SLC6A3: variants seen among roughly 807,000 people sequenced by gnomAD.
SLC6A3 encodes solute carrier family 6 member 3.
SLC6A3 carries 19 observed loss-of-function variants against 70.4 expected under a neutral mutation model. That is an observed-to-expected ratio of 0.27 (90% CI 0.19 to 0.40). The LOEUF (loss-of-function observed/expected upper bound fraction) is 0.40, where lower values mean the gene tolerates loss of function less well. Among genes scored for constraint, SLC6A3 ranks in the 10% least tolerant of loss-of-function variants. The pLI, the probability that SLC6A3 is intolerant of heterozygous loss-of-function variation, is 1.00. For synonymous variants in SLC6A3, 368 were observed against 356.6 expected (o/e 1.03, Z -0.36); for missense variants, 613 against 838.5 (o/e 0.73, Z 3.32).
chr5:1,434,073 AG>A (rs1320395401), intron 3 of SLC6A3, among the ~76,000 whole-genome samples: 20 of 152,346 alleles, frequency 1.3e-4, no homozygotes, highest in African/African-American at 4.6e-4. Context: ...GGCCATCTAT[AG>A]CTGCTCATGC....
rs114563841 is a variant in SLC6A3, at chr5:1,406,272, G to A, written c.1515C>T (p.Ser505=). 88 of 1,612,844 alleles carry A rather than the reference G, an allele frequency of 5.5e-5. No homozygotes were observed. The African/African-American group carries it at 7.7e-4, about 14-fold the overall frequency. ...VAWFYGVGQF[S]DDIQQMTGQR... ...GCCCGGTCATCTGCTGGATGTCGTC[G>A]CTGAACTGCCCAACACCTGAGGGAG... Residue 505 remains serine (S), a synonymous_variant, in exon 12 of 15, where the codon AGC becomes AGT. Transcript: ENST00000270349. The surrounding 1 kb of genome is among the most constrained non-coding windows in gnomAD (Gnocchi z 8.8).
chr5:1,409,872 G>A, intron 9 of SLC6A3, 23 bp from the exon 10 acceptor site: 1 of 1,612,534 alleles, frequency 6.2e-7, no homozygotes, highest in Non-Finnish European at 8.5e-7. Context: ...CACAGGGTCG[G>A]GCTGCAGGCT....
At chr5:1,425,044 T>C (rs250686) in intron 4 of SLC6A3, among the ~76,000 whole-genome samples, 77,680 of 152,086 alleles carry the variant, frequency 0.51, 20,384 homozygotes, top group South Asian at 0.65. Context: ...TACGTGCAGG[T>C]GTTTCATAAG....
At chr5:1,414,946 T>A in intron 7 of SLC6A3, 131 bp from the exon 8 acceptor site, 1 of 1,156,972 alleles carries the variant, frequency 8.6e-7, no homozygotes, top group Non-Finnish European at 1.3e-6. Context: ...CTTTTCCCAG[T>A]GAGCACGGCC....
intron 14 of SLC6A3, among the ~76,000 whole-genome samples, chr5:1,395,955 CTAAG>C (rs1223886745): frequency 1.3e-5 from 2 of 152,216 alleles, no homozygotes; most frequent in Non-Finnish European, 2.9e-5. Context: ...GCAGCCCACT[CTAAG>C]TGAGTCCCCA....
chr5:1,415,175 C>A (rs532531513), intron 7 of SLC6A3, among the ~76,000 whole-genome samples: 1 of 151,930 alleles, frequency 6.6e-6, no homozygotes, highest in Non-Finnish European at 1.5e-5. Flanking sequence ...CCTGACTGGG[C>A]GGGTCTCATG....
chr5:1,428,740 G>A (rs1048758982), intron 4 of SLC6A3, among the ~76,000 whole-genome samples: 7 of 152,028 alleles, frequency 4.6e-5, no homozygotes, highest in Non-Finnish European at 8.8e-5. Flanking sequence ...CACTGCACAC[G>A]GCATTCATGG....
chr5:1,416,805 A>G (rs1307389289), intron 6 of SLC6A3, among the ~76,000 whole-genome samples: 2 of 144,084 alleles, frequency 1.4e-5, no homozygotes, highest in African/African-American at 5.2e-5. Context: ...ATCCACACAC[A>G]ACATGACCGC....
At chr5:1,414,006 G>C (rs1253537513) in intron 8 of SLC6A3, among the ~76,000 whole-genome samples, 1 of 152,180 alleles carries the variant, frequency 6.6e-6, no homozygotes, top group African/African-American at 2.4e-5. Flanking sequence ...CCCTCTCGGA[G>C]ACAACTCCAG....
rs932029622 is a variant in SLC6A3 at position 1,414,582 on chromosome 5, C to T, written c.1156+109G>A. ...GTGAGGCAGCAACTCTCACTGAAGT[C>T]GCTCAGGGCCCATGCGTCTCCTTCC... On this transcript the variant is annotated intron_variant, in intron 8 of 14. Coordinates refer to ENST00000270349, the MANE Select transcript of SLC6A3 (RefSeq NM_001044.5). The T allele has an allele frequency of 5.8e-5, 76 of 1,305,018 alleles. No individual in the cohort carries two copies. The Middle Eastern group carries it at 7.5e-4, about 13-fold the overall frequency. The allele number at this position is 1,305,018 out of a possible 1,614,324, so 80.8% of individuals were successfully genotyped here.
intron 8 of SLC6A3, 76 bp downstream of exon 8, chr5:1,414,615 C>T: frequency 6.4e-7 from 1 of 1,551,890 alleles, no homozygotes; most frequent in Non-Finnish European, 8.7e-7. Context: ...TCCTCTTTCA[C>T]AAGGAAAAAG....
At position 1,444,832 on chromosome 5, in the gene SLC6A3, GA is replaced by G. The variant is rs561025660; in HGVS notation, c.-46+515del. Among the ~76,000 whole-genome samples the G allele has an allele frequency of 3.1e-3, 470 of 152,352 alleles. 1 individual carries two copies. Among genetic ancestry groups the G allele is most frequent in the African/African-American group, 0.011 (441 of 41,578 alleles). On this transcript the variant is annotated intron_variant, in intron 1 of 14. Coordinates refer to ENST00000270349, the MANE Select transcript of SLC6A3 (RefSeq NM_001044.5). ...TCCTTCCTCACCGCGCCCAGAACAA[GA>G]AGCGGCGCTGCCTGGCGAGTCCTCG...
intron 3 of SLC6A3, among the ~76,000 whole-genome samples, chr5:1,439,324 G>A (rs1182394625): frequency 7.2e-6 from 1 of 138,662 alleles, no homozygotes. Flanking sequence ...TGTGTGGGGT[G>A]GGGGTGGGGG....
chr5:1,430,585 C>G (rs1181842034), intron 4 of SLC6A3, among the ~76,000 whole-genome samples: 1 of 152,234 alleles, frequency 6.6e-6, no homozygotes, highest in South Asian at 2.1e-4. Context: ...TGCCCGAAGG[C>G]TCCATCTCAG....
At position 1,394,304 on chromosome 5, in the gene SLC6A3, T is replaced by C. The variant is rs1187451755; in HGVS notation, c.*431A>G. 5 of 250,640 alleles carry C rather than the reference T, an allele frequency of 2.0e-5. No individual in the cohort carries two copies. 15.5% of individuals were successfully genotyped at this position (250,640 alleles called of 1,614,324 possible). A position where few individuals can be genotyped will look rare whatever the true frequency, so the allele number is the denominator to read the frequency against. On this transcript the variant is annotated 3_prime_UTR_variant, in exon 15 of 15. Coordinates refer to ENST00000270349, the MANE Select transcript of SLC6A3 (RefSeq NM_001044.5). The surrounding 1 kb of genome is among the most constrained non-coding windows in gnomAD (Gnocchi z 4.7). ...GGCTTTTTAATATGGGCAAAGTAAA[T>C]GGTCTAGGAAGCTACTGTGAGCACG...
rs190849947 is a variant in SLC6A3, at chr5:1,402,509, T to C, written c.1767+413A>G. ...TCTGTGTCCACCACACCACATACCATAGTGTGTAGGCATGCATGCACTCAG... is the reference window on the plus strand; with the variant it reads ...TCTGTGTCCACCACACCACATACCACAGTGTGTAGGCATGCATGCACTCAG... On this transcript the variant is annotated intron_variant, in intron 13 of 14. Coordinates refer to ENST00000270349, the MANE Select transcript of SLC6A3 (RefSeq NM_001044.5). This position sits in a 1 kb window ranked among gnomAD's most constrained non-coding sequence, Gnocchi z 8.5. Among the ~76,000 whole-genome samples, 75 of 152,042 alleles carry C rather than the reference T, an allele frequency of 4.9e-4. No individual in the cohort carries two copies. The highest frequency in any genetic ancestry group is 1.6e-3 in the African/African-American group (66 of 41,454).
At chr5:1,428,304 A>G (rs1015042980) in intron 4 of SLC6A3, among the ~76,000 whole-genome samples, 2 of 152,246 alleles carry the variant, frequency 1.3e-5, no homozygotes, top group Non-Finnish European at 2.9e-5. Flanking sequence ...GAATGAAATG[A>G]AAACACAGCA....
In SLC6A3 at chr5:1,411,373, C is replaced by G. The variant is rs934674095; in HGVS notation, c.1157-18G>C. The G allele has an allele frequency of 3.3e-6, 5 of 1,531,672 alleles. No individual in the cohort carries two copies. The highest frequency in any genetic ancestry group is 4.4e-6 in the Non-Finnish European group (5 of 1,130,072). The allele number at this position is 1,531,672 out of a possible 1,614,324, so 94.9% of individuals were successfully genotyped here. On this transcript the variant is annotated intron_variant, in intron 8 of 14. Coordinates refer to ENST00000270349, the MANE Select transcript of SLC6A3 (RefSeq NM_001044.5). This position sits in a 1 kb window ranked among gnomAD's most constrained non-coding sequence, Gnocchi z 6.5. ...CCCTGGCCCTGAAACAGAACCCGCCCTGCTTGCCACAGAGCCCACGCTGTG... is the reference window on the plus strand; with the variant it reads ...CCCTGGCCCTGAAACAGAACCCGCCGTGCTTGCCACAGAGCCCACGCTGTG...
intron 14 of SLC6A3, among the ~76,000 whole-genome samples, chr5:1,395,529 C>G (rs778652105): frequency 6.6e-6 from 1 of 152,236 alleles, no homozygotes; most frequent in East Asian, 1.9e-4. Flanking sequence ...CCACCAAGAG[C>G]CTGCAGGGAC....
Sources: allele counts gnomAD v4.1 joint callset (sites outside exome capture counted in the v4.1 genomes callset), GRCh38; gene constraint gnomAD v4.1.1; non-coding constraint Gnocchi (gnomAD v3.1); transcripts MANE v1.5; gene names NCBI Gene and HGNC (gene_info 2026-07-23, HGNC 2026-07-21).